The following ABR variants were observed in gnomAD, a reference collection of about 807,000 sequenced individuals.
ABR encodes ABR activator of RhoGEF and GTPase, also known as active breakpoint cluster region-related protein.
Under a neutral mutation model 107.2 loss-of-function variants are expected in ABR, and 35 were observed. The ratio of observed to expected loss-of-function variants is 0.33; its 90% confidence interval spans 0.25 to 0.43. The LOEUF is 0.43. Ranked by LOEUF, ABR falls within the 20% of genes least tolerant of loss-of-function variation. The probability of loss-of-function intolerance (pLI) is 1.00; values close to 1 mark genes in which losing one functional copy is unlikely to be tolerated. For synonymous variants in ABR, 498 were observed against 462.0 expected, an observed-to-expected ratio of 1.08 and a Z score of -1.00; for missense variants, 815 against 1,115.2, an observed-to-expected ratio of 0.73 and a Z score of 3.83.
intron 10 of ABR, among the ~76,000 whole-genome samples, chr17:1,063,414 A>G (rs28587381): frequency 0.044 from 3,770 of 84,932 alleles, 545 homozygotes; most frequent in Admixed American, 0.054. Flanking sequence ...AGGGCTATGC[A>G]TGTTCCTCTA....
chr17:1,222,881 C>T (rs1188818605), intron 1 of ABR, among the ~76,000 whole-genome samples: 1 of 152,078 alleles, frequency 6.6e-6, no homozygotes, highest in Admixed American at 6.6e-5. Context: ...TGCACTCCAG[C>T]TTGGGCAACA....
At chr17:1,162,980 A>G (rs1175584954) in intron 1 of ABR, among the ~76,000 whole-genome samples, 6 of 152,134 alleles carry the variant, frequency 3.9e-5, no homozygotes, top group African/African-American at 1.4e-4. Flanking sequence ...GCTGAGGCAA[A>G]AGAATCCCTT....
At chr17:1,203,270 A>G (rs2042705876) in intron 1 of ABR, among the ~76,000 whole-genome samples, 1 of 146,788 alleles carries the variant, frequency 6.8e-6, no homozygotes, top group Non-Finnish European at 1.5e-5. Flanking sequence ...GGATCCAGCC[A>G]GGCTCCCGCG....
At chr17:1,109,049 G>T (rs767927531) in intron 2 of ABR, 11 of 1,596,018 alleles carry the variant, frequency 6.9e-6, no homozygotes, top group Non-Finnish European at 9.4e-6. Context: ...CAAGCCTATC[G>T]CCTCCTCTTC....
At chr17:1,203,237 G>A (rs918987952) in intron 1 of ABR, among the ~76,000 whole-genome samples, 4 of 151,988 alleles carry the variant, frequency 2.6e-5, no homozygotes, top group African/African-American at 7.2e-5. Flanking sequence ...AGGATCCTGG[G>A]GAGACTCCTT....
intron 2 of ABR, among the ~76,000 whole-genome samples, chr17:1,115,891 C>A (rs1264368643): frequency 6.7e-6 from 1 of 149,788 alleles, no homozygotes; most frequent in Non-Finnish European, 1.5e-5. Context: ...CACACCACTG[C>A]ACTCCAGCCT....
In ABR at chr17:1,005,455, T is replaced by G; in HGVS notation, c.*625A>C. 3.3e-6 allele frequency: 1 copy of G among 298,904 alleles called. No individual in the cohort carries two copies. The highest frequency in any genetic ancestry group is 6.1e-6 in the Non-Finnish European group (1 of 163,234). The allele number at this position is 298,904 out of a possible 1,614,324, so 18.5% of individuals were successfully genotyped here. On this transcript the variant is annotated 3_prime_UTR_variant, in exon 23 of 23. Coordinates refer to ENST00000302538, the MANE Select transcript of ABR (RefSeq NM_021962.5). ...AGCAGGTGTGCTCCCAAAGGCGGAG[T>G]CTGAGGAGGGGCCGGCAGCGGCAAA...
intron 16 of ABR, among the ~76,000 whole-genome samples, chr17:1,036,628 C>A (rs113202679): frequency 0.019 from 2,930 of 152,084 alleles, 98 homozygotes; most frequent in African/African-American, 0.066. Flanking sequence ...AGCATGGGAG[C>A]CCGGGGTGCC....
chr17:1,223,885 G>A (rs560916388), intron 1 of ABR, among the ~76,000 whole-genome samples: 5 of 152,178 alleles, frequency 3.3e-5, no homozygotes, highest in African/African-American at 1.2e-4. Flanking sequence ...TGATCCAGTC[G>A]CCTCCCACCA....
intron 1 of ABR, among the ~76,000 whole-genome samples, chr17:1,127,653 T>C (rs2258664): frequency 0.39 from 59,005 of 151,938 alleles, 11,644 homozygotes; most frequent in South Asian, 0.45. Flanking sequence ...CCAGGGAAAA[T>C]AAGCAATAGT....
At chr17:1,045,395 CAATCTTCCGTCTTCTTACAGCA>C (rs1313041527) in intron 16 of ABR, among the ~76,000 whole-genome samples, 1 of 125,748 alleles carries the variant, frequency 8.0e-6, no homozygotes, top group African/African-American at 2.6e-5. Flanking sequence ...TACAGCAGGA[CAATCTTCCGTCTTCTTACAGCA>C]GGACAATCTT....
chr17:1,088,892 AT>A lies in ABR; in HGVS notation c.531+2772del, dbSNP rs56669324. Among the ~76,000 whole-genome samples the A allele has an allele frequency of 7.1e-3, 723 of 102,490 alleles. 4 individuals carry two copies. Among genetic ancestry groups the A allele is most frequent in the African/African-American group, 0.024 (621 of 25,392 alleles). 67.2% of individuals were successfully genotyped at this position (102,490 alleles called of 152,430 possible). ...TAAGCGTGAGCCACTGTGCCCAGCC[AT>A]TTTTTTTTTTTTTTTTTTTTGAGAC... On this transcript the variant is annotated intron_variant, in intron 4 of 22. Transcript: ENST00000302538.
intron 2 of ABR, among the ~76,000 whole-genome samples, chr17:1,124,330 C>A (rs1207748485): frequency 1.3e-5 from 2 of 152,122 alleles, no homozygotes; most frequent in African/African-American, 4.8e-5. Flanking sequence ...ACGGAGACCC[C>A]CTACAAAACA....
intron 16 of ABR, among the ~76,000 whole-genome samples, chr17:1,034,893 G>A (rs938758186): frequency 2.0e-5 from 3 of 152,040 alleles, no homozygotes; most frequent in East Asian, 3.9e-4. Context: ...TGTGAATCCC[G>A]TTCCCAAGGC....
At chr17:1,043,909 G>A (rs1036840599) in intron 16 of ABR, among the ~76,000 whole-genome samples, 4 of 152,204 alleles carry the variant, frequency 2.6e-5, no homozygotes, top group African/African-American at 9.6e-5. Context: ...GGGCCGGGGG[G>A]CGGGCAGGGG....
chr17:1,217,284 C>T (rs757660345), intron 1 of ABR, among the ~76,000 whole-genome samples: 47 of 152,260 alleles, frequency 3.1e-4, no homozygotes, highest in South Asian at 2.3e-3. Flanking sequence ...TTGGATGCTT[C>T]GCTGTTCCAG....
chr17:1,050,910 C>A lies in ABR; in HGVS notation c.1562-276G>T, dbSNP rs2032424304. ...GCCCTTCCCACCTCGGCCCTCCCCA[C>A]ACTCTGCCCTTCCCACCTCGGCCCT... On this transcript the variant is annotated intron_variant, in intron 14 of 22. Transcript: ENST00000302538. This position sits in a 1 kb window ranked among gnomAD's most constrained non-coding sequence, Gnocchi z 4.6. 6.6e-6 allele frequency among the ~76,000 whole-genome samples: 1 copy of A among 151,692 alleles called. No individual in the cohort carries two copies. Among genetic ancestry groups the A allele is most frequent in the South Asian group, 2.1e-4 (1 of 4,800 alleles).
intron 16 of ABR, among the ~76,000 whole-genome samples, chr17:1,022,120 A>AAAAACAAAAAC (rs1555534388): frequency 6.8e-5 from 8 of 118,388 alleles, no homozygotes; most frequent in African/African-American, 1.5e-4. Flanking sequence ...AAAAAAAAAA[A>AAAAACAAAAAC]AAAAACAGAA....
chr17:1,072,501 C>A, intron 8 of ABR, 113 bp downstream of exon 8: 1 of 514,700 alleles, frequency 1.9e-6, no homozygotes, highest in Non-Finnish European at 3.4e-6. Flanking sequence ...GGACCTGCCG[C>A]CCGTGTGTGA....
Sources: gnomAD v4.1 joint callset for allele counts (sites outside exome capture counted in the v4.1 genomes callset) on GRCh38, gnomAD v4.1.1 for gene constraint, Gnocchi (gnomAD v3.1) non-coding constraint, MANE v1.5 for transcripts, NCBI Gene and HGNC (gene_info 2026-07-23, HGNC 2026-07-21) for gene names.